CEP126: variants seen among roughly 807,000 people sequenced by gnomAD.
CEP126 encodes the protein centrosomal protein of 126 kDa.
In CEP126, 74 loss-of-function variants were observed where a neutral mutation model predicts 107.8. The observed-to-expected ratio is 0.69, with a 90% confidence interval of 0.57 to 0.83. The LOEUF (loss-of-function observed/expected upper bound fraction) is 0.83. CEP126 is among the 40% of genes least tolerant of loss of function. The pLI is 0.00. For missense variants in CEP126, 1,237 were observed against 1,281.9 expected (o/e 0.96, Z 0.53); for synonymous variants, 449 against 446.0 (o/e 1.01, Z -0.08).
At chr11:101,987,726 A>C (rs890473652) in intron 9 of CEP126, among the ~76,000 whole-genome samples, 2 of 152,142 alleles carry the variant, frequency 1.3e-5, no homozygotes, top group African/African-American at 4.8e-5. Context: ...ATAGAGGAAA[A>C]ATGATCCCTG....
chr11:101,958,299 A>C lies in CEP126; in HGVS notation c.638A>C (p.Asn213Thr). The C allele has an allele frequency of 6.2e-7, 1 of 1,614,024 alleles. No individual in the cohort carries two copies. Among genetic ancestry groups the C allele is most frequent in the South Asian group, 1.1e-5 (1 of 91,080 alleles). Residue 213 changes from asparagine to threonine, a missense_variant, in exon 5 of 11, where the codon AAT becomes ACT. Transcript: ENST00000263468. ...NMRATLATSK[N>T]VFQLKLEETQ... ...AGGGCAACCTTGGCTACTAGCAAAA[A>C]TGTGTTCCAGCTTAAACTGGAGGAA...
intron 9 of CEP126, among the ~76,000 whole-genome samples, chr11:101,989,733 G>A (rs1420124146): frequency 6.6e-6 from 1 of 152,170 alleles, no homozygotes; most frequent in Non-Finnish European, 1.5e-5. Flanking sequence ...GCCGAGGCGG[G>A]CGGATCACGA....
Position 101,998,062 on chromosome 11 carries a change from G to T in CEP126, c.*419G>T, listed in dbSNP as rs1258376022. ...TATTAAACCTCTAACTTACTGATAA[G>T]ATGTTTATGAAGTATGGCATATTTT... On this transcript the variant is annotated 3_prime_UTR_variant, in exon 11 of 11. Transcript: ENST00000263468. 3.2e-5 allele frequency: 5 copies of T among 156,110 alleles called. No individual in the cohort carries two copies. The highest frequency in any genetic ancestry group is 2.5e-4 in the Admixed American group (4 of 15,850). The allele number at this position is 156,110 out of a possible 1,614,324, so 9.7% of individuals were successfully genotyped here.
At chr11:101,938,549 A>G (rs918859797) in intron 2 of CEP126, among the ~76,000 whole-genome samples, 2 of 151,956 alleles carry the variant, frequency 1.3e-5, no homozygotes, top group Non-Finnish European at 2.9e-5. Context: ...CTGGTATAGC[A>G]TTTAAAATTA....
In CEP126 at chr11:101,962,913, C is replaced by T. The variant is rs7109233; in HGVS notation, c.1878C>T (p.Thr626=). The part of the protein sequence containing the change: ...TKEKGAEIPK[T]IKKLRWFDET... The stretch of plus-strand genomic sequence containing the variant: ...AAAAAGGTGCAGAAATTCCAAAGAC[C>T]ATTAAAAAACTGAGGTGGTTTGATG... Residue 626 remains threonine, a synonymous_variant, in exon 6 of 11, where the codon ACC becomes ACT. Transcript: ENST00000263468. The T allele has an allele frequency of 0.98, 1,572,100 of 1,609,472 alleles. 767,911 individuals are homozygous for T. Among genetic ancestry groups the T allele is most frequent in the East Asian group, 1 (44,840 of 44,840 alleles).
intron 7 of CEP126, among the ~76,000 whole-genome samples, chr11:101,981,495 G>A (rs950795798): frequency 2.0e-5 from 3 of 152,012 alleles, no homozygotes; most frequent in Middle Eastern, 3.4e-3. Flanking sequence ...GGGCTTCACC[G>A]TGTTAGCCAG....
At chr11:101,940,962 CATT>C (rs1940655619) in intron 2 of CEP126, among the ~76,000 whole-genome samples, 1 of 152,110 alleles carries the variant, frequency 6.6e-6, no homozygotes. Context: ...CTTCATTGGA[CATT>C]ATGTTTAGAG....
chr11:101,978,493 T>C (rs1192642558), intron 7 of CEP126, 34 bp downstream of exon 7: 2 of 1,381,188 alleles, frequency 1.4e-6, no homozygotes, highest in African/African-American at 2.9e-5. Flanking sequence ...CTCTATTCAA[T>C]ATTTAAAAAT....
intron 2 of CEP126, among the ~76,000 whole-genome samples, chr11:101,929,687 C>A (rs1940464422): frequency 6.6e-6 from 1 of 152,120 alleles, no homozygotes; most frequent in Admixed American, 6.5e-5. Context: ...TCTACTAATA[C>A]CAGGATGAGG....
intron 2 of CEP126, among the ~76,000 whole-genome samples, chr11:101,927,095 A>C (rs956980902): frequency 6.6e-6 from 1 of 152,324 alleles, no homozygotes; most frequent in African/African-American, 2.4e-5. Context: ...TGAGGTCAGG[A>C]GTTCAAGACC....
intron 2 of CEP126, among the ~76,000 whole-genome samples, chr11:101,931,664 C>G (rs1464939938): frequency 6.6e-6 from 1 of 152,014 alleles, no homozygotes; most frequent in African/African-American, 2.4e-5. Flanking sequence ...TATCATATTT[C>G]TAGAGAGTTG....
intron 10 of CEP126, among the ~76,000 whole-genome samples, chr11:101,994,150 G>A (rs184439465): frequency 1.2e-4 from 18 of 152,158 alleles, no homozygotes; most frequent in African/African-American, 4.3e-4. Context: ...CAGGAGAATC[G>A]CTTGAAACTG....
At chr11:101,947,976 G>A in intron 3 of CEP126, 55 bp from the exon 4 acceptor site, 1 of 781,048 alleles carries the variant, frequency 1.3e-6, no homozygotes, top group Non-Finnish European at 2.0e-6. Context: ...TATATGTAAA[G>A]TGACCACTGA....
At chr11:101,922,604 A>T (rs777509443) in intron 1 of CEP126, 37 bp from the exon 2 acceptor site, 2 of 1,531,052 alleles carry the variant, frequency 1.3e-6, no homozygotes, top group African/African-American at 2.7e-5. Flanking sequence ...TCCACTAAAG[A>T]TGTAGACCAT....
In CEP126 at chr11:101,915,101, T is replaced by G. The variant is rs919884351; in HGVS notation, c.-184T>G. ...GAGGTCGCCGCTGCCTCAGCTGCCA[T>G]CGCCGCTACAGGCACCAGTGCCGCT... On this transcript the variant is annotated 5_prime_UTR_variant, in exon 1 of 11. Transcript: ENST00000263468. The G allele has an allele frequency of 2.3e-5, 19 of 840,966 alleles. No individual in the cohort carries two copies. Among genetic ancestry groups the G allele is most frequent in the Non-Finnish European group, 3.3e-5 (19 of 577,596 alleles). 52.1% of individuals were successfully genotyped at this position (840,966 alleles called of 1,614,324 possible). A position where few individuals can be genotyped will look rare whatever the true frequency, so the allele number is the denominator to read the frequency against.
Position 101,997,737 on chromosome 11 carries a change from A to G in CEP126, c.*94A>G. Reference sequence around the variant, plus strand: ...AAAACCAGCCATAGGAAAACATGTGAGCAACAACCCCCATGAACATTTGTC... The same window carrying G: ...AAAACCAGCCATAGGAAAACATGTGGGCAACAACCCCCATGAACATTTGTC... On this transcript the variant is annotated 3_prime_UTR_variant, in exon 11 of 11. Coordinates refer to ENST00000263468, the MANE Select transcript of CEP126 (RefSeq NM_020802.4). The G allele has an allele frequency of 1.3e-6, 2 of 1,555,820 alleles. No homozygotes were observed. The highest frequency in any genetic ancestry group is 1.8e-6 in the Non-Finnish European group (2 of 1,136,656).
chr11:101,981,812 G>A (rs968973275), intron 7 of CEP126, 77 bp from the exon 8 acceptor site: 68 of 838,078 alleles, frequency 8.1e-5, no homozygotes, highest in Non-Finnish European at 9.4e-6. Flanking sequence ...GCAATTAAAA[G>A]TTTTTTAAAA....
intron 6 of CEP126, among the ~76,000 whole-genome samples, chr11:101,964,335 T>G (rs1241518031): frequency 7.0e-6 from 1 of 142,016 alleles, no homozygotes; most frequent in Non-Finnish European, 1.5e-5. Context: ...TTACCTCCTG[T>G]AATATTGTGA....
In CEP126 at chr11:101,963,708, T is replaced by A; in HGVS notation, c.2673T>A (p.His891Gln). 6.2e-7 allele frequency: 1 copy of A among 1,614,034 alleles called. No individual in the cohort carries two copies. The highest frequency in any genetic ancestry group is 8.5e-7 in the Non-Finnish European group (1 of 1,180,004). ...SECQTFAKIN[H>Q]SNGTQAVARQ... ...GCCAAACTTTCGCAAAAATAAATCA[T>A]TCAAATGGCACTCAAGCAGTTGCCC... The change falls in exon 6 of 11, where the codon CAT becomes CAA. Residue 891 changes from histidine to glutamine, a missense_variant. By Grantham distance (24) the His-to-Gln change is conservative. Coordinates refer to ENST00000263468, the MANE Select transcript of CEP126 (RefSeq NM_020802.4).
Sources: allele counts gnomAD v4.1 joint callset (sites outside exome capture counted in the v4.1 genomes callset), GRCh38; gene constraint gnomAD v4.1.1; transcripts MANE v1.5; gene names NCBI Gene and HGNC (gene_info 2026-07-23, HGNC 2026-07-21).